The following PIBF1 variants were observed in gnomAD, a reference collection of about 807,000 sequenced individuals.
The protein encoded by PIBF1 is progesterone immunomodulatory binding factor 1, also known as progesterone-induced-blocking factor 1.
A neutral mutation model predicts 112.5 loss-of-function variants in PIBF1; 90 were observed. That is an observed-to-expected ratio of 0.80 (90% CI 0.67 to 0.95). The LOEUF is 0.95. Ranked by LOEUF, PIBF1 falls within the 40% of genes least tolerant of loss-of-function variation. The probability of loss-of-function intolerance (pLI) is 0.00; values close to 1 mark genes in which losing one functional copy is unlikely to be tolerated. For synonymous variants in PIBF1, 301 were observed against 288.6 expected (o/e 1.04, Z -0.44); for missense variants, 915 against 852.3 (o/e 1.07, Z -0.92).
intron 17 of PIBF1, among the ~76,000 whole-genome samples, chr13:73,003,653 G>A (rs2043944377): frequency 6.6e-6 from 1 of 152,126 alleles, no homozygotes; most frequent in Non-Finnish European, 1.5e-5. Context: ...TAAAACTGCT[G>A]CTCCTATAGG....
intron 16 of PIBF1, among the ~76,000 whole-genome samples, chr13:72,992,886 AACTATC>A (rs2043524811): frequency 6.6e-6 from 1 of 152,180 alleles, no homozygotes; most frequent in Non-Finnish European, 1.5e-5. Flanking sequence ...CACAACCAAA[AACTATC>A]AGAAACTGGA....
chr13:72,838,709 C>G (rs2037466251), intron 9 of PIBF1, among the ~76,000 whole-genome samples: 3 of 152,100 alleles, frequency 2.0e-5, no homozygotes, highest in South Asian at 2.1e-4. Flanking sequence ...GCACATACCC[C>G]CAAGTTAGGT....
At chr13:72,798,926 C>G (rs889470933) in intron 5 of PIBF1, among the ~76,000 whole-genome samples, 3 of 152,324 alleles carry the variant, frequency 2.0e-5, no homozygotes, top group African/African-American at 7.2e-5. Flanking sequence ...GTGCAGTTAA[C>G]TCTCATAATA....
intron 9 of PIBF1, among the ~76,000 whole-genome samples, chr13:72,849,100 T>G (rs2038011557): frequency 6.6e-6 from 1 of 152,190 alleles, no homozygotes; most frequent in Admixed American, 6.5e-5. Flanking sequence ...ATCTTTCCTC[T>G]CAGTATGTCT....
At chr13:72,897,090 ACAG>A (rs2040309506) in intron 11 of PIBF1, among the ~76,000 whole-genome samples, 1 of 152,244 alleles carries the variant, frequency 6.6e-6, no homozygotes, top group South Asian at 2.1e-4. Flanking sequence ...TATAAGATTA[ACAG>A]CAGATTCCTC....
chr13:72,956,990 C>T (rs185643711), intron 14 of PIBF1, among the ~76,000 whole-genome samples: 21 of 152,046 alleles, frequency 1.4e-4, no homozygotes, highest in Non-Finnish European at 2.9e-5. Flanking sequence ...GCAAGAATGG[C>T]GTAATGAAAA....
intron 5 of PIBF1, among the ~76,000 whole-genome samples, chr13:72,814,189 G>A (rs1593954812): frequency 6.6e-6 from 1 of 152,160 alleles, no homozygotes; most frequent in South Asian, 2.1e-4. Flanking sequence ...TGTAATCCCA[G>A]CGCTCTAGGA....
In PIBF1 at chr13:72,930,034, A is replaced by AT. The variant is rs1259406515; in HGVS notation, c.1731-1125dup. Among the ~76,000 whole-genome samples, 8 of 151,748 alleles carry AT rather than the reference A, an allele frequency of 5.3e-5. No homozygotes were observed. In the South Asian group the frequency reaches 1.5e-3, roughly 28 times the overall value. On this transcript the variant is annotated intron_variant, in intron 13 of 17. Coordinates refer to ENST00000326291, the MANE Select transcript of PIBF1 (RefSeq NM_006346.4). ...ACCATCATGCCCAGCTAATTTTTGT[A>AT]TTTTTTGCAGAGGCAGGGTCTCACC...
At chr13:72,981,255 A>AAAAAT (rs933207726) in intron 16 of PIBF1, among the ~76,000 whole-genome samples, 3 of 151,732 alleles carry the variant, frequency 2.0e-5, no homozygotes, top group African/African-American at 7.2e-5. Context: ...CTGTCTCAAA[A>AAAAAT]AAAATAAAAT....
At chr13:72,849,647 A>G (rs1434417707) in intron 9 of PIBF1, among the ~76,000 whole-genome samples, 3 of 152,192 alleles carry the variant, frequency 2.0e-5, no homozygotes, top group Admixed American at 6.5e-5. Context: ...TTTCCCATCT[A>G]TTGGTGCCTT....
chr13:72,844,432 T>C (rs1219292395), intron 9 of PIBF1, among the ~76,000 whole-genome samples: 2 of 152,144 alleles, frequency 1.3e-5, no homozygotes, highest in Non-Finnish European at 2.9e-5. Flanking sequence ...GGTGGTTTGC[T>C]GCACCCATCA....
intron 16 of PIBF1, among the ~76,000 whole-genome samples, chr13:72,982,955 T>C (rs1421642077): frequency 2.0e-5 from 3 of 152,200 alleles, no homozygotes; most frequent in Non-Finnish European, 4.4e-5. Context: ...TCCTAAAACC[T>C]TGGAGATGGT....
At chr13:72,971,204 G>T (rs937429893) in intron 15 of PIBF1, among the ~76,000 whole-genome samples, 4 of 65,374 alleles carry the variant, frequency 6.1e-5, no homozygotes, top group Non-Finnish European at 1.5e-4. Flanking sequence ...GTGTGTGTGT[G>T]TATGTGTGTG....
At chr13:72,931,740 A>ATATATATATATATATATATATG (rs1342426606) in intron 14 of PIBF1, among the ~76,000 whole-genome samples, 5 of 143,666 alleles carry the variant, frequency 3.5e-5, no homozygotes, top group Non-Finnish European at 3.0e-5. Context: ...ATATATATAT[A>ATATATATATATATATATATATG]TATGTATGCA....
At chr13:72,953,346 G>A (rs551745322) in intron 14 of PIBF1, among the ~76,000 whole-genome samples, 98 of 152,172 alleles carry the variant, frequency 6.4e-4, no homozygotes, top group African/African-American at 2.3e-3. Flanking sequence ...TGTCCCACAC[G>A]GTGCCTCCGT....
chr13:72,886,977 A>G (rs1309632280), intron 10 of PIBF1, among the ~76,000 whole-genome samples: 1 of 150,930 alleles, frequency 6.6e-6, no homozygotes, highest in Non-Finnish European at 1.5e-5. Flanking sequence ...TTTCTTTACA[A>G]TTTGGAAAAT....
At chr13:72,851,019 A>G (rs1433970515) in intron 9 of PIBF1, among the ~76,000 whole-genome samples, 1 of 152,166 alleles carries the variant, frequency 6.6e-6, no homozygotes, top group African/African-American at 2.4e-5. Flanking sequence ...CAAATCTCTA[A>G]TGGTTGACAT....
At chr13:72,913,805 T>A (rs573521181) in intron 12 of PIBF1, among the ~76,000 whole-genome samples, 115 of 151,592 alleles carry the variant, frequency 7.6e-4, no homozygotes, top group Non-Finnish European at 1.4e-3. Context: ...GGATGTATAC[T>A]GTACATTTTT....
chr13:72,823,157 T>C (rs2036639008), intron 6 of PIBF1, among the ~76,000 whole-genome samples: 4 of 152,252 alleles, frequency 2.6e-5, no homozygotes, highest in Middle Eastern at 3.4e-3. Flanking sequence ...TGATACCAGT[T>C]GGTATTTTCA....
Sources: allele counts gnomAD v4.1 joint callset (sites outside exome capture counted in the v4.1 genomes callset), GRCh38; gene constraint gnomAD v4.1.1; transcripts MANE v1.5; gene names NCBI Gene and HGNC (gene_info 2026-07-23, HGNC 2026-07-21).